ARHGAP29: variants seen among roughly 807,000 people sequenced by gnomAD.
ARHGAP29 encodes the protein Rho GTPase activating protein 29.
In ARHGAP29, 43 loss-of-function variants were observed where a neutral mutation model predicts 122.6. The ratio of observed to expected loss-of-function variants is 0.35; its 90% CI spans 0.27 to 0.45. The LOEUF (loss-of-function observed/expected upper bound fraction) is 0.45, where lower values mean the gene tolerates loss of function less well. ARHGAP29 is among the 20% of genes least tolerant of loss of function. The pLI, the probability that ARHGAP29 is intolerant of heterozygous loss-of-function variation, is 1.00. For missense variants in ARHGAP29, 1,303 were observed against 1,477.2 expected, an observed-to-expected ratio of 0.88 and a Z score of 1.93; for synonymous variants, 506 against 497.1, an observed-to-expected ratio of 1.02 and a Z score of -0.24.
intron 1 of ARHGAP29, among the ~76,000 whole-genome samples, chr1:94,249,892 T>C (rs968208741): frequency 6.6e-6 from 1 of 152,212 alleles, no homozygotes; most frequent in African/African-American, 2.4e-5. Context: ...TCCACAGTAC[T>C]ACATTAGTTA....
At chr1:94,206,861 A>ACT (rs57580958) in intron 5 of ARHGAP29, among the ~76,000 whole-genome samples, 144,313 of 151,152 alleles carry the variant, frequency 0.95, 69,273 homozygotes, top group East Asian at 1. Flanking sequence ...ACACCACTGC[A>ACT]CCAGCCCAGG....
chr1:94,184,217 G>A lies in ARHGAP29; in HGVS notation c.2181C>T (p.His727=), dbSNP rs1649652868. 11 of 1,612,036 alleles carry A rather than the reference G, an allele frequency of 6.8e-6. No homozygotes were observed. The highest frequency in any genetic ancestry group is 9.3e-6 in the Non-Finnish European group (11 of 1,178,954). ...AACTAAATTCTGAAATATCTACCAAGTGCATTCCATTTTCCAAAGCTTGAC... is the reference window on the plus strand; with the variant it reads ...AACTAAATTCTGAAATATCTACCAAATGCATTCCATTTTCCAAAGCTTGAC... ...KLCQALENGM[H]LVDISEFSSH... is the part of the protein sequence containing the mutation. The change falls in exon 19 of 23, where the codon CAC becomes CAT. Residue 727 remains histidine (H), a synonymous_variant. Transcript: ENST00000260526.
intron 3 of ARHGAP29, among the ~76,000 whole-genome samples, chr1:94,219,070 A>G (rs1170661689): frequency 1.3e-5 from 2 of 152,040 alleles, no homozygotes; most frequent in Non-Finnish European, 2.9e-5. Flanking sequence ...GCCTAGAGTG[A>G]GTTCCTCACT....
At chr1:94,216,067 C>G (rs993144755) in intron 3 of ARHGAP29, among the ~76,000 whole-genome samples, 1 of 152,156 alleles carries the variant, frequency 6.6e-6, no homozygotes, top group Admixed American at 6.5e-5. Context: ...AGGAAATCAG[C>G]CTCTTCAGCA....
chr1:94,226,403 G>A (rs1652613964), intron 2 of ARHGAP29, among the ~76,000 whole-genome samples: 2 of 151,838 alleles, frequency 1.3e-5, no homozygotes, highest in Non-Finnish European at 1.5e-5. Flanking sequence ...CCTTTTAATA[G>A]ACACAGAAAC....
In ARHGAP29 at chr1:94,172,302, G is replaced by A. The variant is rs1648783252; in HGVS notation, c.*1567C>T. The A allele has an allele frequency of 6.6e-6, 1 of 152,086 alleles. No individual in the cohort carries two copies. Among genetic ancestry groups the A allele is most frequent in the Non-Finnish European group, 1.5e-5 (1 of 68,006 alleles). The allele number at this position is 152,086 out of a possible 1,614,324, so 9.4% of individuals were successfully genotyped here. A position where few individuals can be genotyped will look rare whatever the true frequency, so the allele number is the denominator to read the frequency against. ...CTTGGCAAAGTTCCTGGCACACAGA[G>A]AAGGCTCAATACACATGGGCTCTAA... On this transcript the variant is annotated 3_prime_UTR_variant, in exon 23 of 23. Transcript: ENST00000260526.
At chr1:94,305,861 T>C in the ARHGAP29 span, among the ~76,000 whole-genome samples, 6 of 152,342 alleles carry the variant, frequency 3.9e-5, no homozygotes, top group East Asian at 1.2e-3. Context: ...TAAGTTGTGG[T>C]TAATCATACA....
chr1:94,314,518 G>T, the ARHGAP29 span, among the ~76,000 whole-genome samples: 50 of 152,062 alleles, frequency 3.3e-4, 1 homozygote, highest in East Asian at 6.9e-3. Context: ...CCTTTCCCTC[G>T]GCTTAAGAGG....
the ARHGAP29 span, chr1:94,302,539 G>A: frequency 3.1e-6 from 1 of 323,276 alleles, no homozygotes; most frequent in East Asian, 9.9e-5. Flanking sequence ...AAGCGACTCA[G>A]CATCACAGTC....
At chr1:94,299,595 C>G in the ARHGAP29 span, among the ~76,000 whole-genome samples, 1 of 152,164 alleles carries the variant, frequency 6.6e-6, no homozygotes, top group Admixed American at 6.5e-5. Flanking sequence ...TGGGGGGGAA[C>G]AGAAATCTAT....
the ARHGAP29 span, among the ~76,000 whole-genome samples, chr1:94,280,134 T>C: frequency 1.3e-5 from 2 of 152,088 alleles, no homozygotes; most frequent in Admixed American, 1.3e-4. Flanking sequence ...TTAAATTTCT[T>C]TACTTCTTAA....
At chr1:94,292,793 A>G in the ARHGAP29 span, among the ~76,000 whole-genome samples, 1 of 152,170 alleles carries the variant, frequency 6.6e-6, no homozygotes, top group Non-Finnish European at 1.5e-5. Context: ...GAGGCTGCAG[A>G]GCAGCAAATA....
chr1:94,206,682 A>C (rs1651212776), intron 5 of ARHGAP29, among the ~76,000 whole-genome samples: 1 of 152,076 alleles, frequency 6.6e-6, no homozygotes, highest in South Asian at 2.1e-4. Flanking sequence ...GGATCACCTG[A>C]GGTCAGGAGC....
At chr1:94,216,848 T>C (rs989672564) in intron 3 of ARHGAP29, among the ~76,000 whole-genome samples, 1 of 152,180 alleles carries the variant, frequency 6.6e-6, no homozygotes, top group African/African-American at 2.4e-5. Flanking sequence ...ATAGGCTATA[T>C]CTCTCTTACC....
intron 3 of ARHGAP29, among the ~76,000 whole-genome samples, chr1:94,209,858 G>A (rs1215147721): frequency 4.0e-5 from 6 of 151,258 alleles, no homozygotes; most frequent in Admixed American, 3.9e-4. Context: ...CTGTAACAAA[G>A]CACATCACAT....
the ARHGAP29 span, among the ~76,000 whole-genome samples, chr1:94,296,800 C>A: frequency 0.01 from 1,523 of 152,242 alleles, 21 homozygotes; most frequent in African/African-American, 0.034. Context: ...TAGAGCAGGG[C>A]AAACTGATAA....
intron 2 of ARHGAP29, among the ~76,000 whole-genome samples, chr1:94,221,039 CTCAT>C (rs1245734987): frequency 1.3e-5 from 2 of 152,144 alleles, no homozygotes; most frequent in South Asian, 2.1e-4. Flanking sequence ...CTTCTCAGTG[CTCAT>C]TCATTTTCTC....
At chr1:94,258,792 T>C (rs1654456517) in intron 1 of ARHGAP29, among the ~76,000 whole-genome samples, 3 of 152,208 alleles carry the variant, frequency 2.0e-5, no homozygotes, top group African/African-American at 7.2e-5. Context: ...AACGAGGAAA[T>C]TGAGACTTAA....
the ARHGAP29 span, among the ~76,000 whole-genome samples, chr1:94,289,161 T>C: frequency 2.4e-4 from 36 of 152,214 alleles, no homozygotes; most frequent in African/African-American, 8.0e-4. Flanking sequence ...CTCTTTCATT[T>C]TGTTGAGCAG....
Sources: allele counts gnomAD v4.1 joint callset (sites outside exome capture counted in the v4.1 genomes callset), GRCh38; gene constraint gnomAD v4.1.1; transcripts MANE v1.5; gene names NCBI Gene and HGNC (gene_info 2026-07-23, HGNC 2026-07-21).